ZNF831: variants seen among roughly 807,000 people sequenced by gnomAD.
ZNF831 encodes the protein zinc finger protein 831, also known as chromosome 20 open reading frame 174.
In ZNF831, 59 loss-of-function variants were observed where a neutral mutation model predicts 95.8. That is an observed-to-expected ratio of 0.62 (90% confidence interval 0.50 to 0.77). The LOEUF is 0.77. ZNF831 is among the 30% of genes least tolerant of loss of function. The pLI, the probability that ZNF831 is intolerant of heterozygous loss-of-function variation, is 0.00. For synonymous variants in ZNF831, 961 were observed against 925.5 expected, an observed-to-expected ratio of 1.04 and a Z score of -0.70; for missense variants, 2,205 against 2,164.0, an observed-to-expected ratio of 1.02 and a Z score of -0.38.
At chr20:59,151,439 C>T (rs1252063973) in intron 2 of ZNF831, among the ~76,000 whole-genome samples, 1 of 152,204 alleles carries the variant, frequency 6.6e-6, no homozygotes, top group Non-Finnish European at 1.5e-5. Flanking sequence ...TTATGATACA[C>T]CCGACCCTGT....
intron 4 of ZNF831, among the ~76,000 whole-genome samples, chr20:59,218,345 C>T (rs1985840671): frequency 6.6e-6 from 1 of 152,158 alleles, no homozygotes; most frequent in South Asian, 2.1e-4. Flanking sequence ...TGAAATGTTG[C>T]TACTGGAGGC....
chr20:59,128,651 T>C (rs1263957136), intron 1 of ZNF831, among the ~76,000 whole-genome samples: 1 of 152,184 alleles, frequency 6.6e-6, no homozygotes, highest in African/African-American at 2.4e-5. Flanking sequence ...TAGCCACTTG[T>C]TGGGGGGCTG....
intron 3 of ZNF831, among the ~76,000 whole-genome samples, chr20:59,201,111 G>A (rs1244826456): frequency 2.0e-5 from 3 of 152,120 alleles, no homozygotes; most frequent in African/African-American, 7.2e-5. Flanking sequence ...CAGAGTATGA[G>A]AGTTCCATTT....
At chr20:59,218,606 TTA>T (rs943199999) in intron 4 of ZNF831, among the ~76,000 whole-genome samples, 2 of 151,642 alleles carry the variant, frequency 1.3e-5, no homozygotes, top group African/African-American at 4.9e-5. Context: ...TTTTTTTTTT[TTA>T]TATATATAAC....
intron 1 of ZNF831, among the ~76,000 whole-genome samples, chr20:59,131,138 A>G (rs1364296925): frequency 1.3e-5 from 2 of 152,190 alleles, no homozygotes; most frequent in Non-Finnish European, 2.9e-5. Context: ...ACCTTCCAGC[A>G]TCCATCTTGG....
rs75411286 is a variant in ZNF831 at position 59,139,774 on chromosome 20, C to T, written c.-1424-6457C>T. On this transcript the variant is annotated intron_variant, in intron 1 of 7. Coordinates refer to the ZNF831 transcript ENST00000637017. The stretch of plus-strand genomic sequence containing the variant: ...CTCAAAGCCCAGCACTCTTGACTTT[C>T]AATCTTTTTATGGATTCTTTGAAGA... 1.6e-4 allele frequency among the ~76,000 whole-genome samples: 24 copies of T among 152,272 alleles called. No homozygotes were observed. In the East Asian group the frequency reaches 4.4e-3, roughly 28 times the overall value.
chr20:59,183,518 ATCT>A (rs991828465), intron 1 of ZNF831, among the ~76,000 whole-genome samples: 4 of 152,132 alleles, frequency 2.6e-5, no homozygotes, highest in African/African-American at 9.7e-5. Context: ...GGGAAAATTG[ATCT>A]TCTCTTTTTG....
rs2146761094 is a variant in ZNF831 at position 59,253,920 on chromosome 20, A to G, written c.4211A>G (p.Glu1404Gly). ...TVKDISPSAGEHGDCTTHSTA... is the reference protein window; with the variant it reads ...TVKDISPSAGGHGDCTTHSTA... ...CAGGATATTTCTCCATCTGCTGGTG[A>G]GCATGGTGACTGTACTACTCACAGC... is the stretch of plus-strand genomic sequence containing the variant. The change falls in exon 6 of 6, where the codon GAG (glutamate) becomes GGG (glycine). Residue 1404 changes from glutamate (E) to glycine (G), a missense_variant. Glu to Gly is a moderately conservative substitution (Grantham distance 98). Transcript: ENST00000371030. 2 of 1,379,760 alleles carry G rather than the reference A, an allele frequency of 1.4e-6. No individual in the cohort carries two copies. Among genetic ancestry groups the G allele is most frequent in the Non-Finnish European group, 1.9e-6 (2 of 1,043,806 alleles). The allele number at this position is 1,379,760 out of a possible 1,614,324, so 85.5% of individuals were successfully genotyped here. A position where few individuals can be genotyped will look rare whatever the true frequency, so the allele number is the denominator to read the frequency against.
In ZNF831 at chr20:59,254,222, GC is replaced by G; in HGVS notation, c.4516del (p.Gln1506ArgfsTer19). 6.2e-7 allele frequency: 1 copy of G among 1,614,040 alleles called. No homozygotes were observed. Among genetic ancestry groups the G allele is most frequent in the South Asian group, 1.1e-5 (1 of 91,076 alleles). On this transcript the variant is annotated frameshift_variant, in exon 6 of 6. Transcript: ENST00000371030. LOFTEE classifies it low-confidence loss of function (END_TRUNC). The surrounding 1 kb of genome is among the most constrained non-coding windows in gnomAD (Gnocchi z 4.5). The part of the protein sequence containing the change: ...ISLPVRTDHI[A>X]QEIHSAESRD... ...TCTGCCAGTGAGAACAGATCACATA[GC>G]CCAGGAAATTCACAGTGCTGAATCA...
At chr20:59,124,866 C>T (rs994953061) in intron 1 of ZNF831, among the ~76,000 whole-genome samples, 3 of 152,162 alleles carry the variant, frequency 2.0e-5, no homozygotes, top group Admixed American at 1.3e-4. Context: ...CCCTCCTCCA[C>T]GCTGGGAGTG....
rs116083633 is a variant in ZNF831, at chr20:59,233,745, C to G, written c.4028-19233C>G. Among the ~76,000 whole-genome samples the G allele has an allele frequency of 8.3e-3, 1,258 of 152,260 alleles. 21 individuals carry two copies. Among genetic ancestry groups the G allele is most frequent in the African/African-American group, 0.029 (1,211 of 41,538 alleles). ...CCTACATCACTCCTCTGCTTTATCC[C>G]AAACACATGACAGGAATCAGGACAA... is the stretch of plus-strand genomic sequence containing the variant. On this transcript the variant is annotated intron_variant, in intron 4 of 5. Coordinates refer to ENST00000371030, the MANE Select transcript of ZNF831 (RefSeq NM_178457.3).
intron 1 of ZNF831, among the ~76,000 whole-genome samples, chr20:59,185,079 C>A (rs1375090155): frequency 1.4e-5 from 2 of 147,658 alleles, no homozygotes; most frequent in African/African-American, 5.2e-5. Context: ...ACCCTTCCCT[C>A]GCTCAAAGAG....
At position 59,253,885 on chromosome 20, in the gene ZNF831, C is replaced by A. The variant is rs746123157; in HGVS notation, c.4189-13C>A. 2 of 621,570 alleles carry A rather than the reference C, an allele frequency of 3.2e-6. No homozygotes were observed. The highest frequency in any genetic ancestry group is 7.7e-5 in the East Asian group (1 of 12,924). The allele number at this position is 621,570 out of a possible 1,614,324, so 38.5% of individuals were successfully genotyped here. ...CCCCCCCCACTTTTTTTTTCCTTTG[C>A]ACTTTGTTGCAGGATATTTCTCCAT... is the stretch of plus-strand genomic sequence containing the variant. On this transcript the variant is annotated splice_polypyrimidine_tract_variant and intron_variant, in intron 5 of 5. Transcript: ENST00000371030.
chr20:59,220,215 G>T (rs1391404366), intron 4 of ZNF831, among the ~76,000 whole-genome samples: 1 of 152,192 alleles, frequency 6.6e-6, no homozygotes, highest in African/African-American at 2.4e-5. Context: ...TAGCCAAATA[G>T]AATCAGTGGA....
intron 4 of ZNF831, among the ~76,000 whole-genome samples, chr20:59,250,078 A>G (rs1987806708): frequency 6.6e-6 from 1 of 152,178 alleles, no homozygotes; most frequent in African/African-American, 2.4e-5. Flanking sequence ...AAGACTAAGA[A>G]GCAATCAGAC....
intron 1 of ZNF831, among the ~76,000 whole-genome samples, chr20:59,124,586 C>G (rs998981): frequency 0.014 from 2,156 of 152,030 alleles, 49 homozygotes; most frequent in African/African-American, 0.05. Context: ...CAGACGCCTC[C>G]GTGGGTACAG....
chr20:59,158,896 C>T (rs979560102), upstream of ZNF831, among the ~76,000 whole-genome samples: 23 of 152,108 alleles, frequency 1.5e-4, no homozygotes, highest in African/African-American at 4.1e-4. Context: ...GACTAAGAAA[C>T]GCAGGTGGGT....
In ZNF831 at chr20:59,194,180, C is replaced by G. The variant is rs2146595289; in HGVS notation, c.3161C>G (p.Ser1054Cys). The change falls in exon 2 of 6, where the codon TCC becomes TGC. Residue 1054 changes from serine to cysteine, a missense_variant. Coordinates refer to ENST00000371030, the MANE Select transcript of ZNF831 (RefSeq NM_178457.3). ...APGAPREATSSPPTPTCEAHL... is the reference protein window; with the variant it reads ...APGAPREATSCPPTPTCEAHL... ...GGGGCTCCCAGGGAGGCTACCTCCTCCCCGCCCACTCCAACGTGTGAGGCA... is the reference window on the plus strand; with the variant it reads ...GGGGCTCCCAGGGAGGCTACCTCCTGCCCGCCCACTCCAACGTGTGAGGCA... 1.3e-6 allele frequency: 2 copies of G among 1,598,982 alleles called. No homozygotes were observed. Among genetic ancestry groups the G allele is most frequent in the Non-Finnish European group, 1.7e-6 (2 of 1,171,750 alleles).
Position 59,178,027 on chromosome 20 carries a change from G to T in ZNF831, c.-36-12957G>T, listed in dbSNP as rs114705942. ...GGTTTTGAATTTTGTCTTATTTCCT[G>T]GTTTAATCAACAGATGCGGCGAGAA... On this transcript the variant is annotated intron_variant, in intron 1 of 5. Coordinates refer to ENST00000371030, the MANE Select transcript of ZNF831 (RefSeq NM_178457.3). Among the ~76,000 whole-genome samples, 1,197 of 152,230 alleles carry T rather than the reference G, an allele frequency of 7.9e-3. 9 individuals carry two copies. Among genetic ancestry groups the T allele is most frequent in the Middle Eastern group, 0.017 (5 of 294 alleles).
Sources: allele counts gnomAD v4.1 joint callset (sites outside exome capture counted in the v4.1 genomes callset), GRCh38; gene constraint gnomAD v4.1.1; non-coding constraint Gnocchi (gnomAD v3.1); transcripts MANE v1.5; gene names NCBI Gene and HGNC (gene_info 2026-07-23, HGNC 2026-07-21).